The following EGFLAM variants were observed in gnomAD, a reference collection of about 807,000 sequenced individuals.
EGFLAM encodes EGF like, fibronectin type III and laminin G domains.
Under a neutral mutation model 113.1 loss-of-function variants are expected in EGFLAM, and 79 were observed. That is an observed-to-expected ratio of 0.70 (90% confidence interval 0.58 to 0.84). The LOEUF (loss-of-function observed/expected upper bound fraction) is 0.84. Among genes scored for constraint, EGFLAM ranks in the 40% least tolerant of loss-of-function variants. EGFLAM has a pLI of 0.00. For synonymous variants in EGFLAM, 504 were observed against 487.6 expected, an observed-to-expected ratio of 1.03 and a Z score of -0.44; for missense variants, 1,265 against 1,291.6, an observed-to-expected ratio of 0.98 and a Z score of 0.32.
chr5:38,446,323 T>C (rs1345533595), intron 17 of EGFLAM, among the ~76,000 whole-genome samples: 3 of 152,072 alleles, frequency 2.0e-5, no homozygotes, highest in Admixed American at 2.0e-4. Context: ...CTTCTTTCCT[T>C]TTCTGTTTCC....
chr5:38,378,535 G>A (rs1005650057), intron 6 of EGFLAM, among the ~76,000 whole-genome samples: 7 of 152,186 alleles, frequency 4.6e-5, no homozygotes, highest in Admixed American at 6.5e-5. Flanking sequence ...TTCTGGGGAT[G>A]GCTACAAAGC....
intron 1 of EGFLAM, among the ~76,000 whole-genome samples, chr5:38,318,030 G>A (rs1456029041): frequency 6.6e-6 from 1 of 152,172 alleles, no homozygotes; most frequent in African/African-American, 2.4e-5. Context: ...CAATGGCTGT[G>A]AGCGGGCACT....
intron 15 of EGFLAM, among the ~76,000 whole-genome samples, chr5:38,432,460 T>C (rs555593700): frequency 2.9e-5 from 4 of 135,946 alleles, no homozygotes; most frequent in Admixed American, 7.7e-5. Context: ...TAGAAAATGC[T>C]CTATATATAT....
rs1416101175 is a variant in EGFLAM at position 38,370,320 on chromosome 5, C to T, written c.570C>T (p.Thr190=). ...GGCCAGATTTCGACAAGAAGTGGAC[C>T]TCAATCCATGAGCGGATCCAGATGG... ...FIRPDFDKKW[T]SIHERIQMDS... The change falls in exon 6 of 22, where the codon ACC becomes ACT. Residue 190 remains threonine, a synonymous_variant. Transcript: ENST00000322350. 6.2e-6 allele frequency: 10 copies of T among 1,613,924 alleles called. No individual in the cohort carries two copies. The highest frequency in any genetic ancestry group is 2.2e-5 in the South Asian group (2 of 91,062).
chr5:38,453,098 C>T (rs1209500692), intron 19 of EGFLAM, among the ~76,000 whole-genome samples: 4 of 152,178 alleles, frequency 2.6e-5, no homozygotes, highest in Non-Finnish European at 4.4e-5. Context: ...TAGAAATCCA[C>T]GTTCTCAGGC....
chr5:38,422,486 G>A (rs528308785), intron 12 of EGFLAM, among the ~76,000 whole-genome samples: 5 of 152,298 alleles, frequency 3.3e-5, no homozygotes, highest in African/African-American at 1.2e-4. Flanking sequence ...GTCTGGGGAA[G>A]CCCATGGACC....
intron 6 of EGFLAM, among the ~76,000 whole-genome samples, chr5:38,393,796 T>C (rs1740879091): frequency 6.6e-6 from 1 of 152,244 alleles, no homozygotes; most frequent in Non-Finnish European, 1.5e-5. Flanking sequence ...CTCTTTCAGC[T>C]GTGCCATCCA....
intron 20 of EGFLAM, among the ~76,000 whole-genome samples, chr5:38,461,597 A>G (rs1743275390): frequency 6.6e-6 from 1 of 152,150 alleles, no homozygotes; most frequent in African/African-American, 2.4e-5. Context: ...GATTCTAAGA[A>G]AGCACTTCCC....
chr5:38,396,000 C>T (rs936340970), intron 6 of EGFLAM, among the ~76,000 whole-genome samples: 5 of 114,384 alleles, frequency 4.4e-5, no homozygotes, highest in Non-Finnish European at 7.5e-5. Context: ...CCACCTACCA[C>T]TCCATCTCCC....
At chr5:38,339,308 G>A (rs1377741978) in intron 3 of EGFLAM, among the ~76,000 whole-genome samples, 2 of 151,470 alleles carry the variant, frequency 1.3e-5, no homozygotes, top group Non-Finnish European at 2.9e-5. Flanking sequence ...TTCTCATCAA[G>A]GTCTCTTGAG....
At chr5:38,314,295 T>C (rs1481178242) in intron 1 of EGFLAM, among the ~76,000 whole-genome samples, 4 of 152,240 alleles carry the variant, frequency 2.6e-5, no homozygotes, top group African/African-American at 4.8e-5. Flanking sequence ...ATTAAGTTTT[T>C]ATACATTCCA....
intron 1 of EGFLAM, among the ~76,000 whole-genome samples, chr5:38,334,454 C>T (rs1739132183): frequency 6.6e-6 from 1 of 152,056 alleles, no homozygotes; most frequent in Admixed American, 6.6e-5. Flanking sequence ...AGGGGGAGCT[C>T]TCTAGGATAT....
chr5:38,431,238 A>G lies in EGFLAM; in HGVS notation c.2116A>G (p.Asn706Asp), dbSNP rs745488415. 4 of 1,614,144 alleles carry G rather than the reference A, an allele frequency of 2.5e-6. No individual in the cohort carries two copies. The Admixed American group carries it at 6.7e-5, about 27-fold the overall frequency. Reference sequence around the variant, plus strand: ...GCTTCGTGTATCTCGCACAGCAAAGAATGGAATCTTACAGGTGGATAAGCA... The same window carrying G: ...GCTTCGTGTATCTCGCACAGCAAAGGATGGAATCTTACAGGTGGATAAGCA... ...HELRVSRTAK[N>D]GILQVDKQKI... The change falls in exon 15 of 22, where the codon AAT becomes GAT. Residue 706 changes from asparagine to aspartate, a missense_variant. Physicochemically the swap from Asn to Asp is conservative, Grantham distance 23 (BLOSUM62 1). Transcript: ENST00000322350.
intron 16 of EGFLAM, among the ~76,000 whole-genome samples, chr5:38,436,050 T>G (rs879679475): frequency 6.6e-6 from 1 of 152,054 alleles, no homozygotes; most frequent in Non-Finnish European, 1.5e-5. Flanking sequence ...ACTCCTGACC[T>G]TGTGATCTGC....
chr5:38,388,393 G>A (rs1740718934), intron 6 of EGFLAM, among the ~76,000 whole-genome samples: 1 of 152,124 alleles, frequency 6.6e-6, no homozygotes, highest in Non-Finnish European at 1.5e-5. Context: ...GCCAAGGTGA[G>A]AGGATTGCTT....
chr5:38,383,402 A>G lies in EGFLAM; in HGVS notation c.712+12940A>G, dbSNP rs183719735. On this transcript the variant is annotated intron_variant, in intron 6 of 21. Coordinates refer to ENST00000322350, the MANE Select transcript of EGFLAM (RefSeq NM_152403.4). ...TGGGTGATGAGAAAGGCTACAAACA[A>G]ATTTGTCAGGCCTTTTTTTTTTTTT... Among the ~76,000 whole-genome samples the G allele has an allele frequency of 3.0e-4, 45 of 151,700 alleles. 1 individual carries two copies. Among genetic ancestry groups the G allele is most frequent in the Admixed American group, 2.7e-3 (41 of 15,216 alleles).
Position 38,421,929 on chromosome 5 carries a change from G to A in EGFLAM, c.1685-3038G>A, listed in dbSNP as rs944825251. 1.1e-4 allele frequency among the ~76,000 whole-genome samples: 16 copies of A among 152,204 alleles called. 1 individual carries two copies. The highest frequency in any genetic ancestry group is 3.9e-4 in the African/African-American group (16 of 41,512). ...AAGATCTTCTGACAGCTCATTAGAC[G>A]GGGCTTTCAGGGATACATGTAGACC... On this transcript the variant is annotated intron_variant, in intron 12 of 21. Coordinates refer to ENST00000322350, the MANE Select transcript of EGFLAM (RefSeq NM_152403.4).
chr5:38,435,080 T>C, intron 15 of EGFLAM, 57 bp from the exon 16 acceptor site: 1 of 1,461,248 alleles, frequency 6.8e-7, no homozygotes, highest in South Asian at 1.1e-5. Flanking sequence ...ACACATTTGA[T>C]CATTTTGAAC....
At chr5:38,445,240 C>A (rs1000311482) in intron 17 of EGFLAM, among the ~76,000 whole-genome samples, 10 of 151,990 alleles carry the variant, frequency 6.6e-5, no homozygotes, top group African/African-American at 2.2e-4. Context: ...AGCTAGCTGG[C>A]TTATCATTCC....
Sources: allele counts gnomAD v4.1 joint callset (sites outside exome capture counted in the v4.1 genomes callset), GRCh38; gene constraint gnomAD v4.1.1; transcripts MANE v1.5; gene names NCBI Gene and HGNC (gene_info 2026-07-23, HGNC 2026-07-21).